DOCK3: variants seen among roughly 807,000 people sequenced by gnomAD.
DOCK3 encodes dedicator of cytokinesis 3.
In DOCK3, 60 loss-of-function variants were observed where a neutral mutation model predicts 265.6. That is an observed-to-expected ratio of 0.23 (90% CI 0.18 to 0.28). The LOEUF is 0.28. DOCK3 is among the 10% of genes least tolerant of loss of function. DOCK3 has a pLI of 1.00. For missense variants in DOCK3, 1,981 were observed against 2,594.3 expected (o/e 0.76, Z 5.14); for synonymous variants, 881 against 938.0 (o/e 0.94, Z 1.11).
intron 5 of DOCK3, among the ~76,000 whole-genome samples, chr3:50,984,144 A>T (rs1225472103): frequency 6.6e-6 from 1 of 152,124 alleles, no homozygotes; most frequent in Non-Finnish European, 1.5e-5. Flanking sequence ...GGCCAGTTGC[A>T]TGAGCCAAGC....
chr3:50,919,772 A>G (rs189415134), intron 4 of DOCK3, among the ~76,000 whole-genome samples: 1 of 152,290 alleles, frequency 6.6e-6, no homozygotes, highest in African/African-American at 2.4e-5. Flanking sequence ...CCCTGACCAG[A>G]ACTTCCAACA....
chr3:51,172,335 C>A (rs998009760), intron 12 of DOCK3, among the ~76,000 whole-genome samples: 2 of 152,130 alleles, frequency 1.3e-5, no homozygotes, highest in Non-Finnish European at 2.9e-5. Context: ...GCCACCATGC[C>A]TGGCTAATTT....
intron 14 of DOCK3, among the ~76,000 whole-genome samples, chr3:51,225,326 C>T (rs996848851): frequency 9.9e-5 from 15 of 152,078 alleles, no homozygotes; most frequent in African/African-American, 3.1e-4. Context: ...TAGAATCTTC[C>T]CTCTTTGGGA....
intron 2 of DOCK3, among the ~76,000 whole-genome samples, chr3:50,790,427 G>C (rs1436280855): frequency 6.8e-6 from 1 of 146,194 alleles, no homozygotes; most frequent in African/African-American, 2.5e-5. Flanking sequence ...CCTTTAAGGA[G>C]GTTCTATTTT....
chr3:51,193,102 G>A (rs1227044413), intron 12 of DOCK3, among the ~76,000 whole-genome samples: 1 of 152,060 alleles, frequency 6.6e-6, no homozygotes, highest in African/African-American at 2.4e-5. Flanking sequence ...TCTATGCCTA[G>A]TTTTGTGAGA....
At chr3:51,315,260 G>A (rs2083302153) in intron 32 of DOCK3, 132 bp downstream of exon 32, 1 of 1,186,678 alleles carries the variant, frequency 8.4e-7, no homozygotes, top group Admixed American at 3.6e-5. Flanking sequence ...CCTGTTCAAG[G>A]GTTTTCCCTT....
chr3:51,287,018 A>G (rs1393027555), intron 27 of DOCK3, among the ~76,000 whole-genome samples: 2 of 152,222 alleles, frequency 1.3e-5, no homozygotes, highest in African/African-American at 2.4e-5. Context: ...CTCTCAACAG[A>G]ATAAACAGGC....
chr3:50,826,571 C>T (rs2107017136), intron 2 of DOCK3, among the ~76,000 whole-genome samples: 1 of 152,288 alleles, frequency 6.6e-6, no homozygotes, highest in Non-Finnish European at 1.5e-5. Flanking sequence ...GGCCACATTT[C>T]ACTATCTCCC....
At position 51,220,505 on chromosome 3, in the gene DOCK3, A is replaced by G. The variant is rs2090020630; in HGVS notation, c.1253-5144A>G. Among the ~76,000 whole-genome samples, 3 of 151,522 alleles carry G rather than the reference A, an allele frequency of 2.0e-5. No homozygotes were observed. In the South Asian group the frequency reaches 6.3e-4, roughly 32 times the overall value. On this transcript the variant is annotated intron_variant, in intron 14 of 52. Transcript: ENST00000266037. The stretch of plus-strand genomic sequence containing the variant: ...AACCCCATCTCTACTAAAAATACAA[A>G]AATTAGCTCGGCATGGTGGCAGGAG...
chr3:50,946,794 T>C (rs1470588367), intron 5 of DOCK3, among the ~76,000 whole-genome samples: 1 of 152,202 alleles, frequency 6.6e-6, no homozygotes, highest in African/African-American at 2.4e-5. Flanking sequence ...CCTTCATCCT[T>C]CTCTCTTTTT....
chr3:50,813,746 A>G (rs1267039751), intron 2 of DOCK3, among the ~76,000 whole-genome samples: 3 of 152,194 alleles, frequency 2.0e-5, no homozygotes, highest in African/African-American at 7.2e-5. Flanking sequence ...ATGAAATAGT[A>G]TTCAAAAATG....
At chr3:50,927,678 G>T (rs1245492792) in intron 4 of DOCK3, among the ~76,000 whole-genome samples, 1 of 152,174 alleles carries the variant, frequency 6.6e-6, no homozygotes, top group Non-Finnish European at 1.5e-5. Flanking sequence ...GCTTCTAGAA[G>T]TCATTGGTTT....
chr3:50,849,119 T>C (rs997440626), intron 3 of DOCK3, among the ~76,000 whole-genome samples: 1 of 152,102 alleles, frequency 6.6e-6, no homozygotes, highest in African/African-American at 2.4e-5. Context: ...ACTGCAGCTT[T>C]GACCTCCCAA....
At chr3:51,015,166 T>C (rs2108796625) in intron 5 of DOCK3, among the ~76,000 whole-genome samples, 1 of 152,214 alleles carries the variant, frequency 6.6e-6, no homozygotes, top group South Asian at 2.1e-4. Flanking sequence ...TCCAGTACTA[T>C]TTTGAATAAC....
intron 9 of DOCK3, among the ~76,000 whole-genome samples, chr3:51,114,982 C>T (rs1297555313): frequency 1.3e-5 from 2 of 152,108 alleles, no homozygotes; most frequent in Non-Finnish European, 2.9e-5. Context: ...AGGACATGAA[C>T]TCACCCTTTT....
intron 4 of DOCK3, among the ~76,000 whole-genome samples, chr3:50,932,181 T>G (rs2051103935): frequency 6.6e-6 from 1 of 152,220 alleles, no homozygotes; most frequent in South Asian, 2.1e-4. Flanking sequence ...ATTGCATTAT[T>G]TCAAGGTGAC....
chr3:50,676,575 G>A (rs554805537), intron 1 of DOCK3, among the ~76,000 whole-genome samples: 260 of 152,224 alleles, frequency 1.7e-3, no homozygotes, highest in Non-Finnish European at 3.1e-3. Context: ...GTGAAGTGAG[G>A]AGTTGGTGGT....
At chr3:51,231,386 C>T (rs1339734121) in intron 19 of DOCK3, among the ~76,000 whole-genome samples, 1 of 152,052 alleles carries the variant, frequency 6.6e-6, no homozygotes. Context: ...GCCTCAGCCT[C>T]CCAAAGTGCT....
chr3:50,763,092 T>TAA, intron 1 of DOCK3, among the ~76,000 whole-genome samples: 2 of 152,266 alleles, frequency 1.3e-5, no homozygotes, highest in Admixed American at 1.3e-4. Flanking sequence ...CAAAAAGTTG[T>TAA]AAGTTCAGAT....
Sources: allele counts gnomAD v4.1 joint callset (sites outside exome capture counted in the v4.1 genomes callset), GRCh38; gene constraint gnomAD v4.1.1; transcripts MANE v1.5; gene names NCBI Gene and HGNC (gene_info 2026-07-23, HGNC 2026-07-21).